Variants in PCDHA2 observed in about 807,000 individuals in gnomAD.
PCDHA2 encodes the protein protocadherin alpha-2.
Under a neutral mutation model 66.0 loss-of-function variants are expected in PCDHA2, and 58 were observed. That is an observed-to-expected ratio of 0.88 (90% CI 0.71 to 1.09). The LOEUF (loss-of-function observed/expected upper bound fraction) is 1.09, where lower values mean the gene tolerates loss of function less well. Ranked by LOEUF, PCDHA2 falls within the 50% of genes least tolerant of loss-of-function variation. The probability of loss-of-function intolerance (pLI) is 0.00; values close to 1 mark genes in which losing one functional copy is unlikely to be tolerated. For missense variants in PCDHA2, 1,267 were observed against 1,242.3 expected (o/e 1.02, Z -0.30); for synonymous variants, 634 against 554.0 (o/e 1.14, Z -2.03).
At chr5:140,982,436 T>G (rs782353079) in intron 2 of PCDHA2, 39 bp from the exon 3 acceptor site, 18 of 1,613,262 alleles carry the variant, frequency 1.1e-5, no homozygotes, top group Non-Finnish European at 1.5e-5. Context: ...GGAAAGAATT[T>G]ATGATCTAAC....
Position 140,796,126 on chromosome 5 carries a change from T to A in PCDHA2, c.1162T>A (p.Ser388Thr). ...TGGTACGAATGGACATGTCACCTGC[T>A]CCCTGACGCCCCACGTCCCTTTCAA... is the stretch of plus-strand genomic sequence containing the variant. ...DSGTNGHVTC[S>T]LTPHVPFKLV... Residue 388 changes from serine (S) to threonine (T), a missense_variant, in exon 1 of 4, where the codon TCC (serine) becomes ACC (threonine). Ser to Thr is a moderately conservative substitution (Grantham distance 58, BLOSUM62 1). Transcript: ENST00000526136. The A allele has an allele frequency of 6.2e-7, 1 of 1,614,196 alleles. No homozygotes were observed. The highest frequency in any genetic ancestry group is 8.5e-7 in the Non-Finnish European group (1 of 1,180,034).
intron 1 of PCDHA2, chr5:140,859,420 C>A: frequency 4.3e-6 from 1 of 233,152 alleles, no homozygotes; most frequent in Non-Finnish European, 8.1e-6. Context: ...ATGATATAGA[C>A]TCAGAAATGA....
intron 1 of PCDHA2, chr5:140,800,958 A>T: frequency 8.5e-7 from 1 of 1,169,800 alleles, no homozygotes; most frequent in Non-Finnish European, 1.1e-6. Context: ...ACATACAAGG[A>T]AAAGAAGATA....
intron 3 of PCDHA2, among the ~76,000 whole-genome samples, chr5:140,996,992 T>A (rs565740982): frequency 3.9e-5 from 6 of 152,324 alleles, no homozygotes; most frequent in African/African-American, 1.4e-4. Flanking sequence ...CAACCACTGT[T>A]AACAATTTTG....
chr5:140,915,410 A>G (rs2077112688), intron 1 of PCDHA2, among the ~76,000 whole-genome samples: 1 of 152,172 alleles, frequency 6.6e-6, no homozygotes, highest in Non-Finnish European at 1.5e-5. Flanking sequence ...TAGTCTTTGC[A>G]GTCTGGGCTT....
rs111298048 is a variant in PCDHA2 at position 140,841,325 on chromosome 5, G to A, written c.2388+43973G>A. ...TGATAGGAAACGACTATTTAACATG[G>A]ATTATCACTGGCGAGGAGAGCTGGG... On this transcript the variant is annotated intron_variant, in intron 1 of 3. Coordinates refer to ENST00000526136, the MANE Select transcript of PCDHA2 (RefSeq NM_018905.3). 9,405 of 1,608,142 alleles carry A rather than the reference G, an allele frequency of 5.8e-3. 135 individuals are homozygous for A. Among genetic ancestry groups the A allele is most frequent in the Non-Finnish European group, 7.0e-3 (8,183 of 1,176,604 alleles).
At chr5:140,822,488 C>T (rs2150116764) in intron 1 of PCDHA2, 5 of 1,613,604 alleles carry the variant, frequency 3.1e-6, no homozygotes, top group Middle Eastern at 1.6e-4. Context: ...AATGATAACG[C>T]CCCAGAATTT....
At chr5:140,918,759 G>A (rs931610210) in intron 1 of PCDHA2, among the ~76,000 whole-genome samples, 7 of 152,130 alleles carry the variant, frequency 4.6e-5, no homozygotes, top group Non-Finnish European at 1.0e-4. Context: ...CCAGAGAGGT[G>A]CCTTGCCTCT....
At chr5:140,985,129 G>T (rs545746675) in intron 3 of PCDHA2, among the ~76,000 whole-genome samples, 15 of 152,188 alleles carry the variant, frequency 9.9e-5, no homozygotes, top group Admixed American at 8.5e-4. Context: ...AGTAAAGACG[G>T]GGTTTCACCG....
intron 1 of PCDHA2, chr5:140,822,398 G>C: frequency 6.2e-7 from 1 of 1,614,062 alleles, no homozygotes; most frequent in Non-Finnish European, 8.5e-7. Context: ...CAAGAACACC[G>C]TTTATTAGTG....
intron 1 of PCDHA2, among the ~76,000 whole-genome samples, chr5:140,972,991 T>C (rs142551667): frequency 6.6e-6 from 1 of 152,222 alleles, no homozygotes; most frequent in Non-Finnish European, 1.5e-5. Context: ...GTAGATTCTG[T>C]GCATTTGTGG....
intron 1 of PCDHA2, among the ~76,000 whole-genome samples, chr5:140,936,450 T>C (rs1217629620): frequency 6.6e-6 from 1 of 152,234 alleles, no homozygotes; most frequent in Non-Finnish European, 1.5e-5. Context: ...TAACCACATC[T>C]GTTTAGTGGT....
intron 1 of PCDHA2, among the ~76,000 whole-genome samples, chr5:140,953,932 C>G (rs1005245846): frequency 1.2e-4 from 19 of 152,060 alleles, no homozygotes; most frequent in Non-Finnish European, 5.9e-5. Flanking sequence ...CTGATGCTCT[C>G]CCTCCCATTG....
chr5:140,807,414 A>T (rs1554124003), intron 1 of PCDHA2: 1 of 1,585,622 alleles, frequency 6.3e-7, no homozygotes, highest in Admixed American at 1.7e-5. Context: ...GGCCTTCTGG[A>T]GGTAAATCTG....
At chr5:140,990,314 C>G (rs1295117014) in intron 3 of PCDHA2, among the ~76,000 whole-genome samples, 1 of 152,094 alleles carries the variant, frequency 6.6e-6, no homozygotes, top group East Asian at 1.9e-4. Flanking sequence ...AAAAAACCAA[C>G]CAAACAAACT....
At chr5:140,890,886 A>G (rs1332125590) in intron 1 of PCDHA2, among the ~76,000 whole-genome samples, 3 of 151,952 alleles carry the variant, frequency 2.0e-5, no homozygotes, top group Admixed American at 1.3e-4. Flanking sequence ...TTCATCAGGG[A>G]TTATTGTCTT....
intron 1 of PCDHA2, among the ~76,000 whole-genome samples, chr5:140,906,668 C>G (rs1554192641): frequency 1.3e-5 from 2 of 152,152 alleles, no homozygotes; most frequent in African/African-American, 4.8e-5. Flanking sequence ...TGTAGTGACC[C>G]AAACCTTCAT....
chr5:140,984,419 T>C (rs564096734), intron 3 of PCDHA2, among the ~76,000 whole-genome samples: 5 of 152,290 alleles, frequency 3.3e-5, no homozygotes, highest in African/African-American at 9.6e-5. Context: ...TTTACAGAGA[T>C]AGAGAAGGGG....
Position 140,851,214 on chromosome 5 carries a change from A to G in PCDHA2, c.2388+53862A>G. ...AGTTGTTAGTCATTCATTAAACATT[A>G]ACATCACTATCATTTATTTATTGCT... On this transcript the variant is annotated intron_variant, in intron 1 of 3. Coordinates refer to ENST00000526136, the MANE Select transcript of PCDHA2 (RefSeq NM_018905.3). The G allele has an allele frequency of 6.9e-6, 8 of 1,159,680 alleles. 1 individual carries two copies. The highest frequency in any genetic ancestry group is 7.7e-6 in the Non-Finnish European group (7 of 905,618). 71.8% of individuals were successfully genotyped at this position (1,159,680 alleles called of 1,614,324 possible).
Sources: allele counts gnomAD v4.1 joint callset (sites outside exome capture counted in the v4.1 genomes callset), GRCh38; gene constraint gnomAD v4.1.1; transcripts MANE v1.5; gene names NCBI Gene and HGNC (gene_info 2026-07-23, HGNC 2026-07-21).